COX7B2: variants seen among roughly 807,000 people sequenced by gnomAD.
COX7B2 encodes cytochrome c oxidase subunit 7B2.
For synonymous variants in COX7B2, 37 were observed against 32.1 expected (o/e 1.15, Z -0.51); for missense variants, 109 against 95.9 (o/e 1.14, Z -0.57).
At chr4:46,901,426 C>A (rs1720064219) in intron 1 of COX7B2, among the ~76,000 whole-genome samples, 2 of 152,144 alleles carry the variant, frequency 1.3e-5, no homozygotes, top group African/African-American at 2.4e-5. Flanking sequence ...TACACAAGTT[C>A]TAAACAATTT....
chr4:46,741,395 G>A (rs958407964), intron 2 of COX7B2, among the ~76,000 whole-genome samples: 7 of 151,998 alleles, frequency 4.6e-5, no homozygotes, highest in African/African-American at 1.7e-4. Flanking sequence ...AACAGCAGTA[G>A]TATCCCCCAG....
intron 2 of COX7B2, among the ~76,000 whole-genome samples, chr4:46,746,945 A>C (rs1715054630): frequency 6.6e-6 from 1 of 152,220 alleles, no homozygotes. Flanking sequence ...AGGAATGCTC[A>C]GCAGAAGAGG....
intron 2 of COX7B2, among the ~76,000 whole-genome samples, chr4:46,756,943 C>G (rs1577668609): frequency 6.6e-6 from 1 of 151,720 alleles, no homozygotes; most frequent in African/African-American, 2.4e-5. Flanking sequence ...GGGTATATAC[C>G]CAAAGGAAAA....
intron 2 of COX7B2, among the ~76,000 whole-genome samples, chr4:46,820,256 C>T (rs1174301220): frequency 6.6e-6 from 1 of 152,126 alleles, no homozygotes; most frequent in Non-Finnish European, 1.5e-5. Flanking sequence ...GCATTAGATT[C>T]TCCTAAGGAG....
intron 1 of COX7B2, among the ~76,000 whole-genome samples, chr4:46,865,956 C>T (rs1717636744): frequency 6.6e-6 from 1 of 152,140 alleles, no homozygotes; most frequent in Non-Finnish European, 1.5e-5. Context: ...ACTTCCTCCA[C>T]CACTGTTATC....
At chr4:46,790,487 T>C (rs572262565) in intron 2 of COX7B2, among the ~76,000 whole-genome samples, 1 of 152,238 alleles carries the variant, frequency 6.6e-6, no homozygotes, top group East Asian at 1.9e-4. Context: ...TTACTTATTA[T>C]TGCTGGGCTT....
intron 2 of COX7B2, among the ~76,000 whole-genome samples, chr4:46,786,880 A>G (rs939517809): frequency 6.6e-6 from 1 of 152,226 alleles, no homozygotes; most frequent in Non-Finnish European, 1.5e-5. Context: ...AGGATAGTAT[A>G]TCTAAGAAGT....
At chr4:46,796,782 A>G (rs1421968387) in intron 2 of COX7B2, among the ~76,000 whole-genome samples, 4 of 28,272 alleles carry the variant, frequency 1.4e-4, no homozygotes, top group African/African-American at 6.2e-4. Flanking sequence ...ATGAGTTCAT[A>G]TCCTTTGTAG....
intron 2 of COX7B2, among the ~76,000 whole-genome samples, chr4:46,836,409 T>C (rs1715519009): frequency 6.6e-6 from 1 of 152,018 alleles, no homozygotes. Context: ...AAACACACAT[T>C]GGCCTAGACC....
At chr4:46,766,922 G>A (rs968530941) in intron 2 of COX7B2, among the ~76,000 whole-genome samples, 6 of 151,914 alleles carry the variant, frequency 3.9e-5, no homozygotes, top group African/African-American at 1.5e-4. Flanking sequence ...CACATCATAC[G>A]GGAATAAAGC....
chr4:46,781,842 G>C (rs914908477), intron 2 of COX7B2, among the ~76,000 whole-genome samples: 3 of 152,230 alleles, frequency 2.0e-5, no homozygotes, highest in Non-Finnish European at 4.4e-5. Context: ...TGCAGAGGAT[G>C]TGCGGGGTCC....
chr4:46,816,524 A>G (rs1004859846), intron 2 of COX7B2, among the ~76,000 whole-genome samples: 1 of 152,212 alleles, frequency 6.6e-6, no homozygotes, highest in African/African-American at 2.4e-5. Flanking sequence ...TATTATATCT[A>G]TTATGATGTA....
intron 1 of COX7B2, among the ~76,000 whole-genome samples, chr4:46,868,599 T>C (rs1339994695): frequency 6.6e-6 from 1 of 152,186 alleles, no homozygotes; most frequent in African/African-American, 2.4e-5. Context: ...AAAAAGCCTC[T>C]TGATTTCTGC....
At chr4:46,904,759 C>T (rs958411375) in intron 1 of COX7B2, among the ~76,000 whole-genome samples, 2 of 151,962 alleles carry the variant, frequency 1.3e-5, no homozygotes, top group Non-Finnish European at 1.5e-5. Flanking sequence ...TAATTCCATG[C>T]AACGAGGAAA....
chr4:46,750,212 A>ACACG (rs1349368784), intron 2 of COX7B2, among the ~76,000 whole-genome samples: 1 of 149,392 alleles, frequency 6.7e-6, no homozygotes, highest in East Asian at 2.0e-4. Flanking sequence ...ACACACACAC[A>ACACG]CACACACACA....
At chr4:46,886,740 T>C (rs1215126961) in intron 1 of COX7B2, among the ~76,000 whole-genome samples, 1 of 152,162 alleles carries the variant, frequency 6.6e-6, no homozygotes, top group East Asian at 1.9e-4. Context: ...TAAAAGTAAC[T>C]AAACATGAAT....
chr4:46,749,650 T>C (rs1395947433), intron 2 of COX7B2, among the ~76,000 whole-genome samples: 1 of 152,228 alleles, frequency 6.6e-6, no homozygotes, highest in Non-Finnish European at 1.5e-5. Context: ...CTACAAGATG[T>C]ACCTGTCACA....
In COX7B2 at chr4:46,882,661, C is replaced by T. The variant is rs888147460; in HGVS notation, c.-105+26499G>A. The stretch of plus-strand genomic sequence containing the variant: ...ATCGCTGGGTAGATTTTCCTTCATC[C>T]CTTTATTTTGAGCCTATGAGTGTTA... On this transcript the variant is annotated intron_variant, in intron 1 of 2. Transcript: ENST00000355591. 6.6e-5 allele frequency among the ~76,000 whole-genome samples: 10 copies of T among 152,108 alleles called. 1 individual carries two copies. The highest frequency in any genetic ancestry group is 6.5e-4 in the Admixed American group (10 of 15,278).
chr4:46,838,760 T>C (rs891866142), intron 2 of COX7B2, among the ~76,000 whole-genome samples: 6 of 152,030 alleles, frequency 3.9e-5, no homozygotes, highest in Admixed American at 3.3e-4. Flanking sequence ...TGTGTCACAG[T>C]TGGAAGAAGT....
Sources: gnomAD v4.1 joint callset for allele counts (sites outside exome capture counted in the v4.1 genomes callset) on GRCh38, gnomAD v4.1.1 for gene constraint, MANE v1.5 for transcripts, NCBI Gene and HGNC (gene_info 2026-07-23, HGNC 2026-07-21) for gene names.